Variants in PTPRN2 observed in about 807,000 individuals in gnomAD.
The protein encoded by PTPRN2 is protein tyrosine phosphatase receptor type N2.
PTPRN2 carries 74 observed loss-of-function variants against 118.8 expected under a neutral mutation model. That is an observed-to-expected ratio of 0.62 (90% CI 0.52 to 0.76). The LOEUF is 0.76. Ranked by LOEUF, PTPRN2 falls within the 30% of genes least tolerant of loss-of-function variation. The pLI, the probability that PTPRN2 is intolerant of heterozygous loss-of-function variation, is 0.00. For synonymous variants in PTPRN2, 641 were observed against 608.0 expected (o/e 1.05, Z -0.80); for missense variants, 1,481 against 1,394.4 (o/e 1.06, Z -0.99).
In PTPRN2 at chr7:158,022,232, C is replaced by T. The variant is rs1327801308; in HGVS notation, c.1723+59066G>A. Reference sequence around the variant, plus strand: ...AAACTCAAGGGGCATCACCTGAGTGCTTTTACTTTCCCCATTGCTGACCCT... The same window carrying T: ...AAACTCAAGGGGCATCACCTGAGTGTTTTTACTTTCCCCATTGCTGACCCT... On this transcript the variant is annotated intron_variant, in intron 11 of 22. Transcript: ENST00000389418. The surrounding 1 kb of genome is among the most constrained non-coding windows in gnomAD (Gnocchi z 4.6). 6.6e-6 allele frequency among the ~76,000 whole-genome samples: 1 copy of T among 152,240 alleles called. No individual in the cohort carries two copies. Among genetic ancestry groups the T allele is most frequent in the Non-Finnish European group, 1.5e-5 (1 of 68,048 alleles).
intron 15 of PTPRN2, among the ~76,000 whole-genome samples, chr7:157,607,428 G>A (rs1428474899): frequency 1.3e-5 from 2 of 152,252 alleles, no homozygotes; most frequent in Admixed American, 1.3e-4. Flanking sequence ...CCACCTTTAG[G>A]CACTTGTGAG....
chr7:157,600,572 C>T (rs1209952707), intron 16 of PTPRN2, among the ~76,000 whole-genome samples: 5 of 152,146 alleles, frequency 3.3e-5, no homozygotes, highest in Non-Finnish European at 5.9e-5. Context: ...CCATGCCTGG[C>T]TAGTTTCTGT....
chr7:157,684,549 C>A (rs1035926608), intron 12 of PTPRN2, among the ~76,000 whole-genome samples: 1 of 151,868 alleles, frequency 6.6e-6, no homozygotes, highest in African/African-American at 2.4e-5. Context: ...TCGCCCTTCG[C>A]GTGGAGATCC....
At chr7:158,197,866 G>A (rs1207496311) in intron 4 of PTPRN2, among the ~76,000 whole-genome samples, 1 of 152,160 alleles carries the variant, frequency 6.6e-6, no homozygotes, top group African/African-American at 2.4e-5. Flanking sequence ...TCCCTCCCAT[G>A]ACACGTGCAG....
chr7:157,615,377 A>C lies in PTPRN2; in HGVS notation c.2344+5985T>G. On this transcript the variant is annotated intron_variant, in intron 15 of 22. Coordinates refer to ENST00000389418, the MANE Select transcript of PTPRN2 (RefSeq NM_002847.5). This position sits in a 1 kb window ranked among gnomAD's most constrained non-coding sequence, Gnocchi z 4.3. ...GGGAGCCGCTGACCTTGGGCTCCCT[A>C]ACCTCCTTCAGCCCCAGCTCTGTCC... is the stretch of plus-strand genomic sequence containing the variant. 2.2e-6 allele frequency: 1 copy of C among 461,478 alleles called. No homozygotes were observed. Among genetic ancestry groups the C allele is most frequent in the Non-Finnish European group, 4.5e-6 (1 of 220,692 alleles). The allele number at this position is 461,478 out of a possible 1,614,324, so 28.6% of individuals were successfully genotyped here.
chr7:157,746,022 A>G (rs1052591769), intron 12 of PTPRN2, among the ~76,000 whole-genome samples: 6 of 150,398 alleles, frequency 4.0e-5, no homozygotes, highest in African/African-American at 1.5e-4. Flanking sequence ...GACTCCCTGC[A>G]CCCCACAGTC....
At chr7:158,296,043 G>A (rs755664868) in intron 3 of PTPRN2, among the ~76,000 whole-genome samples, 10 of 152,198 alleles carry the variant, frequency 6.6e-5, no homozygotes, top group East Asian at 1.9e-4. Context: ...GGAGAAGGGC[G>A]GGTCTCTGGC....
intron 11 of PTPRN2, chr7:158,030,419 C>A (rs894840756): frequency 6.6e-6 from 1 of 152,202 alleles, no homozygotes; most frequent in African/African-American, 2.4e-5. Flanking sequence ...TGCTTGGGGA[C>A]TATGTCCCCC....
rs1364449987 is a variant in PTPRN2 at position 158,316,933 on chromosome 7, C to T, written c.164-1G>A. The T allele has an allele frequency of 6.2e-7, 1 of 1,605,128 alleles. No individual in the cohort carries two copies. Among genetic ancestry groups the T allele is most frequent in the Non-Finnish European group, 8.5e-7 (1 of 1,174,746 alleles). On this transcript the variant is annotated splice_acceptor_variant, in intron 2 of 22. Transcript: ENST00000389418. LOFTEE classifies it high-confidence loss of function. The stretch of plus-strand genomic sequence containing the variant: ...TTCTGGCACCTTCCAAACACTCCAT[C>T]TGTGAGAAGGGAAGGAGATAAGACA...
intron 22 of PTPRN2, among the ~76,000 whole-genome samples, chr7:157,543,349 G>A (rs545144156): frequency 2.6e-5 from 4 of 152,386 alleles, no homozygotes; most frequent in African/African-American, 7.2e-5. Context: ...CAGTAGAACT[G>A]CACCCGGTGG....
At chr7:158,180,281 T>C (rs1824586971) in intron 5 of PTPRN2, among the ~76,000 whole-genome samples, 1 of 152,252 alleles carries the variant, frequency 6.6e-6, no homozygotes, top group Non-Finnish European at 1.5e-5. Flanking sequence ...GATCAGTTGG[T>C]TGTAAGTGTT....
chr7:158,128,962 C>A (rs997513023), intron 9 of PTPRN2, among the ~76,000 whole-genome samples: 2 of 150,608 alleles, frequency 1.3e-5, no homozygotes, highest in Non-Finnish European at 2.9e-5. Flanking sequence ...CACACACACA[C>A]ACAACATACC....
At chr7:157,635,286 A>C (rs1804242676) in intron 14 of PTPRN2, among the ~76,000 whole-genome samples, 2 of 152,232 alleles carry the variant, frequency 1.3e-5, no homozygotes, top group African/African-American at 4.8e-5. Flanking sequence ...ACAGGCACCC[A>C]CGGAATTTCA....
chr7:158,282,503 G>A (rs1799494085), intron 3 of PTPRN2, among the ~76,000 whole-genome samples: 1 of 152,226 alleles, frequency 6.6e-6, no homozygotes, highest in African/African-American at 2.4e-5. Flanking sequence ...CAGAGCAGCG[G>A]GGTCGAGGCT....
At chr7:158,117,120 C>A (rs1283050353) in intron 9 of PTPRN2, among the ~76,000 whole-genome samples, 1 of 151,830 alleles carries the variant, frequency 6.6e-6, no homozygotes, top group East Asian at 1.9e-4. Context: ...ATGTACTAGG[C>A]AAAGACTTTA....
intron 3 of PTPRN2, among the ~76,000 whole-genome samples, chr7:158,250,138 G>A (rs1478333866): frequency 1.3e-5 from 2 of 152,094 alleles, no homozygotes; most frequent in Non-Finnish European, 2.9e-5. Flanking sequence ...ACATATTTAT[G>A]GAAATATTAT....
In PTPRN2 at chr7:157,683,815, A is replaced by G. The variant is rs536142461; in HGVS notation, c.1789-878T>C. Among the ~76,000 whole-genome samples, 7 of 152,240 alleles carry G rather than the reference A, an allele frequency of 4.6e-5. No homozygotes were observed. The South Asian group carries it at 1.2e-3, about 27-fold the overall frequency. ...CAACAATTAAGGACGCCACAGGAAA[A>G]TGGGAAGGCCGCCCCGCAGACCGCG... On this transcript the variant is annotated intron_variant, in intron 12 of 22. Coordinates refer to ENST00000389418, the MANE Select transcript of PTPRN2 (RefSeq NM_002847.5).
rs145454929 is a variant in PTPRN2 at position 158,425,071 on chromosome 7, A to G, written c.163+64664T>C. On this transcript the variant is annotated intron_variant, in intron 2 of 22. Transcript: ENST00000389418. The stretch of plus-strand genomic sequence containing the variant: ...CCCTCCTTCATGTGGCCATCACTTG[A>G]GGCCTTAAGACAAAAACAATCATGT... Among the ~76,000 whole-genome samples the G allele has an allele frequency of 4.2e-3, 633 of 152,366 alleles. 6 individuals are homozygous for G. Among genetic ancestry groups the G allele is most frequent in the African/African-American group, 0.014 (601 of 41,584 alleles).
At chr7:158,138,947 GACACCCTGCCCAGC>G (rs199845709) in intron 6 of PTPRN2, among the ~76,000 whole-genome samples, 4,681 of 143,324 alleles carry the variant, frequency 0.033, 252 homozygotes, top group African/African-American at 0.13. Flanking sequence ...CCCTGCCCAG[GACACCCTGCCCAGC>G]ACACCCTGCC....
Sources: gnomAD v4.1 joint callset for allele counts (sites outside exome capture counted in the v4.1 genomes callset) on GRCh38, gnomAD v4.1.1 for gene constraint, Gnocchi (gnomAD v3.1) non-coding constraint, MANE v1.5 for transcripts, NCBI Gene and HGNC (gene_info 2026-07-23, HGNC 2026-07-21) for gene names.